Variants in TMTC2 observed in about 807,000 individuals in gnomAD.
The protein encoded by TMTC2 is protein O-mannosyl-transferase TMTC2.
TMTC2 carries 43 observed loss-of-function variants against 82.4 expected under a neutral mutation model. The observed-to-expected ratio is 0.52, with a 90% CI of 0.41 to 0.67. TMTC2 has a LOEUF of 0.67. Among genes scored for constraint, TMTC2 ranks in the 30% least tolerant of loss-of-function variants. TMTC2 has a pLI of 0.00. For synonymous variants in TMTC2, 408 were observed against 381.9 expected (o/e 1.07, Z -0.80); for missense variants, 919 against 1,012.4 (o/e 0.91, Z 1.25).
rs1195871994 is a variant in TMTC2 at position 82,997,189 on chromosome 12, CT to C, written c.2070+11144del. On this transcript the variant is annotated intron_variant, in intron 8 of 11. Coordinates refer to ENST00000321196, the MANE Select transcript of TMTC2 (RefSeq NM_152588.3). ...CTCTCTCTCTCTCCCACCCCTCCCC[CT>C]CTCCCTCCCCCTCTCCCTCTCTCTC... Among the ~76,000 whole-genome samples, 15 of 133,228 alleles carry C rather than the reference CT, an allele frequency of 1.1e-4. 1 individual carries two copies. The East Asian group carries it at 1.3e-3, about 12-fold the overall frequency. The allele number at this position is 133,228 out of a possible 152,430, so 87.4% of individuals were successfully genotyped here.
chr12:83,005,299 A>T (rs1237131420), intron 8 of TMTC2, among the ~76,000 whole-genome samples: 1 of 147,474 alleles, frequency 6.8e-6, no homozygotes, highest in African/African-American at 2.5e-5. Flanking sequence ...ACCGCACTCC[A>T]GCCTGGGAAA....
chr12:82,717,459 G>A (rs541220469), intron 1 of TMTC2, among the ~76,000 whole-genome samples: 16 of 152,124 alleles, frequency 1.1e-4, no homozygotes, highest in African/African-American at 3.6e-4. Flanking sequence ...TTGAACTCCT[G>A]ACTTCAGGTG....
At chr12:83,094,869 T>G (rs1313995662) in intron 11 of TMTC2, among the ~76,000 whole-genome samples, 1 of 152,148 alleles carries the variant, frequency 6.6e-6, no homozygotes, top group African/African-American at 2.4e-5. Context: ...CAAAGTTGAT[T>G]ATTGGGTATC....
intron 1 of TMTC2, among the ~76,000 whole-genome samples, chr12:82,849,472 G>T (rs1245630889): frequency 6.6e-6 from 1 of 152,080 alleles, no homozygotes. Flanking sequence ...GTCCTGAACA[G>T]CTTTAAAATG....
At position 83,133,783 on chromosome 12, in the gene TMTC2, T is replaced by C. The variant is rs1271732609; in HGVS notation, c.*1394T>C. ...AAACACTAGTCCGTTATCAACTTCT[T>C]CACAGAGAAAGTAGCTATACTATAC... On this transcript the variant is annotated 3_prime_UTR_variant, in exon 12 of 12. Coordinates refer to ENST00000321196, the MANE Select transcript of TMTC2 (RefSeq NM_152588.3). 6.6e-6 allele frequency: 1 copy of C among 152,208 alleles called. No individual in the cohort carries two copies. Among genetic ancestry groups the C allele is most frequent in the Non-Finnish European group, 1.5e-5 (1 of 68,034 alleles). 9.4% of individuals were successfully genotyped at this position (152,208 alleles called of 1,614,324 possible).
chr12:82,819,423 T>C (rs7299047), intron 1 of TMTC2, among the ~76,000 whole-genome samples: 39,957 of 151,380 alleles, frequency 0.26, 7,294 homozygotes, highest in African/African-American at 0.52. Context: ...TTTATCATGG[T>C]TCCTCTTGAA....
chr12:82,820,410 G>T (rs967074864), intron 1 of TMTC2, among the ~76,000 whole-genome samples: 1 of 150,684 alleles, frequency 6.6e-6, no homozygotes, highest in Non-Finnish European at 1.5e-5. Flanking sequence ...TTGCTATAAC[G>T]CCCAGGCTGG....
At chr12:82,817,035 T>C (rs1457863656) in intron 1 of TMTC2, among the ~76,000 whole-genome samples, 4 of 150,964 alleles carry the variant, frequency 2.6e-5, no homozygotes, top group Non-Finnish European at 5.9e-5. Context: ...TGGCAGGATC[T>C]CGGCTCACTG....
At chr12:82,941,711 G>A (rs1229752537) in intron 4 of TMTC2, among the ~76,000 whole-genome samples, 2 of 152,116 alleles carry the variant, frequency 1.3e-5, no homozygotes, top group Non-Finnish European at 2.9e-5. Context: ...TGAGACCATT[G>A]TTATTGTATA....
chr12:82,921,804 T>C (rs1316289617), intron 3 of TMTC2, among the ~76,000 whole-genome samples: 1 of 152,134 alleles, frequency 6.6e-6, no homozygotes, highest in East Asian at 1.9e-4. Context: ...TCTGTTAAAA[T>C]GTGGACTTTT....
chr12:83,109,561 C>T (rs532268142), intron 11 of TMTC2, among the ~76,000 whole-genome samples: 105 of 152,282 alleles, frequency 6.9e-4, no homozygotes, highest in African/African-American at 2.5e-3. Context: ...TTCAAACATC[C>T]CTTCCTTGAC....
rs571292674 is a variant in TMTC2, at chr12:82,713,859, C to A, written c.83+26190C>A. 1.1e-4 allele frequency among the ~76,000 whole-genome samples: 17 copies of A among 152,268 alleles called. No individual in the cohort carries two copies. In the South Asian group the frequency reaches 3.1e-3, roughly 28 times the overall value. On this transcript the variant is annotated intron_variant, in intron 1 of 11. Transcript: ENST00000321196. ...TTTTGGGCATGCTGAATTTGAGGCT[C>A]CACTGGCTCTGAAACTTTTGTAGAG... is the stretch of plus-strand genomic sequence containing the variant.
intron 1 of TMTC2, among the ~76,000 whole-genome samples, chr12:82,849,362 G>A (rs576658830): frequency 2.0e-5 from 3 of 152,182 alleles, no homozygotes; most frequent in South Asian, 2.1e-4. Context: ...AGCATGCTAA[G>A]CAATGCAGTC....
chr12:83,071,900 T>G (rs1382799105), intron 11 of TMTC2, among the ~76,000 whole-genome samples: 2 of 152,232 alleles, frequency 1.3e-5, no homozygotes, highest in Non-Finnish European at 2.9e-5. Context: ...TCTCTGTTCT[T>G]TTCTTGGTTA....
At chr12:82,979,800 C>G (rs772596895) in intron 7 of TMTC2, among the ~76,000 whole-genome samples, 4 of 151,746 alleles carry the variant, frequency 2.6e-5, no homozygotes, top group Non-Finnish European at 4.4e-5. Context: ...GATTAAATCT[C>G]TCAGCTTTTG....
intron 1 of TMTC2, among the ~76,000 whole-genome samples, chr12:82,792,540 C>G (rs1005370143): frequency 6.6e-6 from 1 of 152,030 alleles, no homozygotes; most frequent in Non-Finnish European, 1.5e-5. Flanking sequence ...GATCATGGCT[C>G]ACTGCAGCCT....
At chr12:83,042,260 G>A (rs1000194762) in intron 9 of TMTC2, among the ~76,000 whole-genome samples, 14 of 152,094 alleles carry the variant, frequency 9.2e-5, no homozygotes, top group East Asian at 1.9e-4. Flanking sequence ...TCAGAGGAGC[G>A]GGCTCCTTTC....
chr12:82,954,891 T>G (rs1307831534), intron 4 of TMTC2, among the ~76,000 whole-genome samples: 1 of 152,212 alleles, frequency 6.6e-6, no homozygotes, highest in East Asian at 1.9e-4. Flanking sequence ...TTTTAGAAAA[T>G]TTAATTTTTC....
chr12:82,743,722 A>G (rs1328567988), intron 1 of TMTC2, among the ~76,000 whole-genome samples: 1 of 152,042 alleles, frequency 6.6e-6, no homozygotes, highest in Non-Finnish European at 1.5e-5. Flanking sequence ...CTATCCTTTC[A>G]AATCTAATGC....
Sources: gnomAD v4.1 joint callset for allele counts (sites outside exome capture counted in the v4.1 genomes callset) on GRCh38, gnomAD v4.1.1 for gene constraint, MANE v1.5 for transcripts, NCBI Gene and HGNC (gene_info 2026-07-23, HGNC 2026-07-21) for gene names.